Variants in PRIM2 observed in about 807,000 individuals in gnomAD.
PRIM2 encodes DNA primase large subunit.
PRIM2 carries 39 observed loss-of-function variants against 67.3 expected under a neutral mutation model. The ratio of observed to expected loss-of-function variants is 0.58; its 90% confidence interval spans 0.45 to 0.76. The LOEUF (loss-of-function observed/expected upper bound fraction) is 0.76, where lower values mean the gene tolerates loss of function less well. PRIM2 is among the 30% of genes least tolerant of loss of function. The pLI is 0.00. For missense variants in PRIM2, 398 were observed against 598.7 expected (o/e 0.66, Z 3.50); for synonymous variants, 143 against 198.7 (o/e 0.72, Z 2.36).
chr6:57,318,609 AT>A lies in PRIM2; in HGVS notation c.154+13del. ...ATTGATAGAGTTAAATGTAAGTACT[AT>A]TTAAATTAGAATGTATATATTCTTG... On this transcript the variant is annotated intron_variant, in intron 2 of 13. Coordinates refer to ENST00000615550, the MANE Select transcript of PRIM2 (RefSeq NM_000947.5). 1 of 1,533,154 alleles carries A rather than the reference AT, an allele frequency of 6.5e-7. No individual in the cohort carries two copies. The highest frequency in any genetic ancestry group is 8.9e-7 in the Non-Finnish European group (1 of 1,129,406). The allele number at this position is 1,533,154 out of a possible 1,614,324, so 95.0% of individuals were successfully genotyped here. A position where few individuals can be genotyped will look rare whatever the true frequency, so the allele number is the denominator to read the frequency against.
chr6:57,534,358 C>T (rs1289948706), intron 9 of PRIM2, among the ~76,000 whole-genome samples: 21,946 of 152,112 alleles, frequency 0.14, 2,546 homozygotes, highest in African/African-American at 0.32. Context: ...AGCTAATGGT[C>T]TTGTGTACTG....
chr6:57,393,468 C>G (rs1770424898), intron 7 of PRIM2, among the ~76,000 whole-genome samples: 2 of 152,124 alleles, frequency 1.3e-5, no homozygotes, highest in Admixed American at 6.6e-5. Context: ...TGAGAATTGT[C>G]TATTCATATC....
chr6:57,455,665 T>G (rs1295875583), intron 7 of PRIM2, among the ~76,000 whole-genome samples: 1 of 152,212 alleles, frequency 6.6e-6, no homozygotes, highest in Non-Finnish European at 1.5e-5. Context: ...CCCTTTATTT[T>G]GAGCCTATAT....
rs527832188 is a variant in PRIM2 at position 57,374,153 on chromosome 6, G to A, written c.460-5748G>A. Reference sequence around the variant, plus strand: ...AGTGGTTTGTAGATCTCCTTGAAGAGGTCCTTTACTTCCTTTGTTAGCTGT... The same window carrying A: ...AGTGGTTTGTAGATCTCCTTGAAGAAGTCCTTTACTTCCTTTGTTAGCTGT... On this transcript the variant is annotated intron_variant, in intron 5 of 13. Coordinates refer to ENST00000615550, the MANE Select transcript of PRIM2 (RefSeq NM_000947.5). 9.3e-4 allele frequency among the ~76,000 whole-genome samples: 139 copies of A among 149,694 alleles called. 1 individual carries two copies. The highest frequency in any genetic ancestry group is 3.1e-3 in the African/African-American group (125 of 40,788).
intron 7 of PRIM2, among the ~76,000 whole-genome samples, chr6:57,431,167 CT>C (rs1172830648): frequency 6.6e-6 from 1 of 151,114 alleles, no homozygotes; most frequent in African/African-American, 2.4e-5. Context: ...TTTATTGCCT[CT>C]TTTTTTTAAT....
At chr6:57,254,897 T>A in the PRIM2 span, among the ~76,000 whole-genome samples, 1 of 152,224 alleles carries the variant, frequency 6.6e-6, no homozygotes, top group African/African-American at 2.4e-5. Context: ...TGTCTTCAGA[T>A]GAATGCACAC....
At chr6:57,536,590 C>T (rs1334411293) in intron 9 of PRIM2, among the ~76,000 whole-genome samples, 1 of 152,124 alleles carries the variant, frequency 6.6e-6, no homozygotes, top group Admixed American at 6.5e-5. Context: ...TGGAAACAAC[C>T]CAAGTGTTCT....
intron 3 of PRIM2, among the ~76,000 whole-genome samples, chr6:57,321,360 A>G (rs1767648230): frequency 6.6e-6 from 1 of 152,164 alleles, no homozygotes; most frequent in Non-Finnish European, 1.5e-5. Context: ...GCCTGTGGAG[A>G]TGTCTAGTGG....
intron 7 of PRIM2, among the ~76,000 whole-genome samples, chr6:57,458,642 G>A (rs1355421442): frequency 6.6e-5 from 10 of 152,220 alleles, no homozygotes; most frequent in South Asian, 2.1e-4. Flanking sequence ...CCGAGGTTGC[G>A]CCATTGCACT....
chr6:57,277,588 G>A, the PRIM2 span, among the ~76,000 whole-genome samples: 1 of 151,484 alleles, frequency 6.6e-6, no homozygotes, highest in Non-Finnish European at 1.5e-5. Context: ...AAGCCGGGGG[G>A]TGGTAGGGAG....
At chr6:57,501,505 G>C (rs1326498973) in intron 7 of PRIM2, among the ~76,000 whole-genome samples, 1 of 152,094 alleles carries the variant, frequency 6.6e-6, no homozygotes, top group East Asian at 1.9e-4. Flanking sequence ...TCACCATGTT[G>C]TCCAGGCTGG....
upstream of PRIM2, among the ~76,000 whole-genome samples, chr6:57,312,032 C>A (rs566183915): frequency 4.0e-4 from 1 of 2,526 alleles, no homozygotes; most frequent in South Asian, 0.014. Flanking sequence ...AGAGGGGAGA[C>A]GGGAGAGGGG....
chr6:57,551,201 T>C (rs1489839135), intron 10 of PRIM2, among the ~76,000 whole-genome samples: 2 of 152,220 alleles, frequency 1.3e-5, no homozygotes, highest in Non-Finnish European at 2.9e-5. Context: ...AAGTTTAAAC[T>C]GTTGTGGGGA....
chr6:57,403,205 T>C (rs567923909), intron 7 of PRIM2, among the ~76,000 whole-genome samples: 328 of 152,142 alleles, frequency 2.2e-3, no homozygotes, highest in African/African-American at 7.6e-3. Context: ...TCCAAAGTGC[T>C]GTGTATATTA....
chr6:57,453,147 C>A (rs1440949344), intron 7 of PRIM2, among the ~76,000 whole-genome samples: 1 of 152,112 alleles, frequency 6.6e-6, no homozygotes, highest in Non-Finnish European at 1.5e-5. Flanking sequence ...TAGTCTATAT[C>A]TCTGTTTTGA....
upstream of PRIM2, among the ~76,000 whole-genome samples, chr6:57,311,201 A>T (rs6915317): frequency 1.2e-5 from 1 of 81,384 alleles, no homozygotes. Context: ...CTCACCTCCC[A>T]GACGGGGCGG....
chr6:57,613,268 A>G (rs1776697710), intron 12 of PRIM2, among the ~76,000 whole-genome samples: 2 of 152,232 alleles, frequency 1.3e-5, no homozygotes, highest in Non-Finnish European at 2.9e-5. Context: ...GGAAATGGTT[A>G]AAGTAATTGC....
chr6:57,429,517 G>A (rs1219673594), intron 7 of PRIM2, among the ~76,000 whole-genome samples: 1 of 152,122 alleles, frequency 6.6e-6, no homozygotes, highest in African/African-American at 2.4e-5. Context: ...TGATAAAAGA[G>A]TCTTTATCAG....
chr6:57,447,459 C>T (rs1772403560), intron 7 of PRIM2, among the ~76,000 whole-genome samples: 1 of 152,076 alleles, frequency 6.6e-6, no homozygotes, highest in Non-Finnish European at 1.5e-5. Context: ...TTAAGCTATT[C>T]CTGAAGACGA....
Sources: allele counts gnomAD v4.1 joint callset (sites outside exome capture counted in the v4.1 genomes callset), GRCh38; gene constraint gnomAD v4.1.1; transcripts MANE v1.5; gene names NCBI Gene and HGNC (gene_info 2026-07-23, HGNC 2026-07-21).